The following ARHGEF28 variants were observed in gnomAD, a reference collection of about 807,000 sequenced individuals.
ARHGEF28 encodes the protein Rho guanine nucleotide exchange factor 28.
In ARHGEF28, 152 loss-of-function variants were observed where a neutral mutation model predicts 206.6. The ratio of observed to expected loss-of-function variants is 0.74; its 90% CI spans 0.64 to 0.84. ARHGEF28 has a LOEUF of 0.84. Ranked by LOEUF, ARHGEF28 falls within the 40% of genes least tolerant of loss-of-function variation. The pLI is 0.00. For synonymous variants in ARHGEF28, 763 were observed against 776.4 expected, an observed-to-expected ratio of 0.98 and a Z score of 0.29; for missense variants, 2,028 against 2,073.2, an observed-to-expected ratio of 0.98 and a Z score of 0.42.
chr5:73,736,756 A>T (rs1413771141), intron 2 of ARHGEF28, among the ~76,000 whole-genome samples: 2 of 151,970 alleles, frequency 1.3e-5, no homozygotes, highest in Non-Finnish European at 2.9e-5. Flanking sequence ...TAGGAGTTTG[A>T]TAACAGTAAA....
intron 6 of ARHGEF28, among the ~76,000 whole-genome samples, chr5:73,779,650 C>A (rs1361426253): frequency 2.0e-5 from 3 of 152,110 alleles, no homozygotes; most frequent in African/African-American, 7.2e-5. Flanking sequence ...ACCCCTCCTC[C>A]ATCCTTGGGT....
At chr5:73,909,153 C>G (rs1185374814) in intron 33 of ARHGEF28, 4 of 358,828 alleles carry the variant, frequency 1.1e-5, no homozygotes, top group Non-Finnish European at 2.0e-5. Context: ...TACCTTCCCA[C>G]AGGAGAGGAT....
rs374767254 is a variant in ARHGEF28, at chr5:73,649,717, AT to A, written c.-12+23396del. Among the ~76,000 whole-genome samples the A allele has an allele frequency of 2.4e-3, 365 of 152,366 alleles. 2 individuals are homozygous for A. The highest frequency in any genetic ancestry group is 8.1e-3 in the African/African-American group (337 of 41,584). ...TACCAGTGGGAAAAGAGTCTAAAAAATATCAGAAGGGAGTGTGTGCTTGCTT... is the reference window on the plus strand; with the variant it reads ...TACCAGTGGGAAAAGAGTCTAAAAAAATCAGAAGGGAGTGTGTGCTTGCTT... On this transcript the variant is annotated intron_variant, in intron 1 of 35. Coordinates refer to ENST00000513042, the MANE Select transcript of ARHGEF28 (RefSeq NM_001177693.2).
chr5:73,890,814 CACAG>C (rs1761580690), intron 26 of ARHGEF28, among the ~76,000 whole-genome samples: 1 of 152,202 alleles, frequency 6.6e-6, no homozygotes. Flanking sequence ...TGGTGGAAGC[CACAG>C]ACCAAAGAAG....
intron 29 of ARHGEF28, 42 bp downstream of exon 29, chr5:73,894,617 A>G (rs189286415): frequency 1.9e-6 from 3 of 1,594,728 alleles, no homozygotes; most frequent in Middle Eastern, 1.7e-4. Flanking sequence ...ACGTTCAGAA[A>G]ATGTTTATTG....
At chr5:73,720,051 G>A (rs1248796642) in intron 2 of ARHGEF28, among the ~76,000 whole-genome samples, 1 of 152,218 alleles carries the variant, frequency 6.6e-6, no homozygotes, top group Non-Finnish European at 1.5e-5. Context: ...CCGCAGAGGC[G>A]AATAGTAAAA....
intron 5 of ARHGEF28, among the ~76,000 whole-genome samples, chr5:73,774,811 G>A (rs538257636): frequency 6.6e-6 from 1 of 152,258 alleles, no homozygotes; most frequent in East Asian, 1.9e-4. Flanking sequence ...AAATGGGAAA[G>A]TATGTTGAAA....
rs544392540 is a variant in ARHGEF28, at chr5:73,736,276, T to C, written c.34-13561T>C. 2.6e-5 allele frequency among the ~76,000 whole-genome samples: 4 copies of C among 152,244 alleles called. No individual in the cohort carries two copies. In the East Asian group the frequency reaches 7.7e-4, roughly 29 times the overall value. On this transcript the variant is annotated intron_variant, in intron 2 of 35. Coordinates refer to ENST00000513042, the MANE Select transcript of ARHGEF28 (RefSeq NM_001177693.2). Reference sequence around the variant, plus strand: ...AATCAATGCACCGGGCTGTCTCTTGTTTTCGGCAGAGGCTTTGCTGTGGGG... The same window carrying C: ...AATCAATGCACCGGGCTGTCTCTTGCTTTCGGCAGAGGCTTTGCTGTGGGG...
At chr5:73,787,063 T>C (rs1024845813) in intron 7 of ARHGEF28, among the ~76,000 whole-genome samples, 1 of 152,174 alleles carries the variant, frequency 6.6e-6, no homozygotes, top group Non-Finnish European at 1.5e-5. Context: ...CCACACAAAG[T>C]GTTGTTTCCA....
rs1303364947 is a variant in ARHGEF28, at chr5:73,909,445, A to G, written c.4195A>G (p.Ile1399Val). The G allele has an allele frequency of 4.3e-6, 7 of 1,611,894 alleles. No homozygotes were observed. The highest frequency in any genetic ancestry group is 5.9e-6 in the Non-Finnish European group (7 of 1,178,946). ...GACCATTCAGGACAGCCACATTGAG[A>G]TCCACAGGCTGGTTCTCCAGCAGCA... ...ALTIQDSHIE[I>V]HRLVLQQQEG... Residue 1399 changes from isoleucine to valine, a missense_variant, in exon 34 of 36, where the codon ATC becomes GTC. This residue lies in a region of ARHGEF28 where 803 missense variants were observed against 768.0 expected (regional missense o/e 1.05). Coordinates refer to ENST00000513042, the MANE Select transcript of ARHGEF28 (RefSeq NM_001177693.2).
rs764885911 is a variant in ARHGEF28 at position 73,858,130 on chromosome 5, A to C, written c.1958A>C (p.His653Pro). The C allele has an allele frequency of 5.6e-6, 9 of 1,612,386 alleles. No homozygotes were observed. Among genetic ancestry groups the C allele is most frequent in the Non-Finnish European group, 7.6e-6 (9 of 1,179,424 alleles). Residue 653 changes from histidine to proline, a missense_variant, in exon 16 of 36, where the codon CAT (histidine) becomes CCT (proline). His to Pro is a moderately conservative substitution (Grantham distance 77, BLOSUM62 -2). This residue lies in a region of ARHGEF28 where 1,002 missense variants were observed against 1,015.3 expected (regional missense o/e 0.99). Transcript: ENST00000513042. ...DAKDKEKLNR[H>P]QFAPGTFSGV... Reference sequence around the variant, plus strand: ...AAAGATAAAGAGAAGCTGAATCGACATCAGTTTGCCCCAGGAACATTCTCT... The same window carrying C: ...AAAGATAAAGAGAAGCTGAATCGACCTCAGTTTGCCCCAGGAACATTCTCT...
chr5:73,684,655 G>A (rs2112248564), intron 1 of ARHGEF28, among the ~76,000 whole-genome samples, 186 bp from the exon 2 acceptor site: 1 of 152,276 alleles, frequency 6.6e-6, no homozygotes. Flanking sequence ...ATCATATTGT[G>A]TTCTAGGGGA....
At chr5:73,809,386 C>T (rs990908584) in intron 9 of ARHGEF28, among the ~76,000 whole-genome samples, 3 of 152,184 alleles carry the variant, frequency 2.0e-5, no homozygotes, top group Middle Eastern at 3.4e-3. Flanking sequence ...GATATGATTC[C>T]ATTCGCTATG....
In ARHGEF28 at chr5:73,909,884, C is replaced by G. The variant is rs770141579; in HGVS notation, c.4634C>G (p.Pro1545Arg). Reference sequence around the variant, plus strand: ...AGGAGCCTGCCCGCGGTGCTCCTTCCGGGTGGCCCCGAGGTATGGACCTTC... The same window carrying G: ...AGGAGCCTGCCCGCGGTGCTCCTTCGGGGTGGCCCCGAGGTATGGACCTTC... ...RQRSLPAVLLPGGPEVMELNR... is the reference protein window; with the variant it reads ...RQRSLPAVLLRGGPEVMELNR... Residue 1545 changes from proline (P) to arginine (R), a missense_variant, in exon 34 of 36, where the codon CCG becomes CGG. This residue lies in a region of ARHGEF28 where 803 missense variants were observed against 768.0 expected (regional missense o/e 1.05). Coordinates refer to ENST00000513042, the MANE Select transcript of ARHGEF28 (RefSeq NM_001177693.2). The G allele has an allele frequency of 1.3e-6, 2 of 1,511,726 alleles. No individual in the cohort carries two copies. The highest frequency in any genetic ancestry group is 2.2e-5 in the Admixed American group (1 of 45,284). 93.6% of individuals were successfully genotyped at this position (1,511,726 alleles called of 1,614,324 possible). A position where few individuals can be genotyped will look rare whatever the true frequency, so the allele number is the denominator to read the frequency against.
chr5:73,649,218 T>A (rs2112159976), intron 1 of ARHGEF28, among the ~76,000 whole-genome samples: 1 of 152,322 alleles, frequency 6.6e-6, no homozygotes, highest in South Asian at 2.1e-4. Context: ...CATTAGATGG[T>A]CCTGCCTCCT....
intron 9 of ARHGEF28, among the ~76,000 whole-genome samples, chr5:73,826,625 C>T (rs1031247388): frequency 1.3e-5 from 2 of 152,160 alleles, no homozygotes; most frequent in Non-Finnish European, 2.9e-5. Flanking sequence ...TGTTGGAAAT[C>T]AGTTGAAGAA....
At chr5:73,688,454 A>G (rs1354233483) in intron 2 of ARHGEF28, among the ~76,000 whole-genome samples, 1 of 152,200 alleles carries the variant, frequency 6.6e-6, no homozygotes, top group Non-Finnish European at 1.5e-5. Context: ...AAGATGATAG[A>G]CATCTTTATA....
chr5:73,659,931 A>G (rs2112187203), intron 1 of ARHGEF28, among the ~76,000 whole-genome samples: 1 of 152,034 alleles, frequency 6.6e-6, no homozygotes, highest in South Asian at 2.1e-4. Context: ...TCTTGCCTTG[A>G]TGTTGATGGC....
chr5:73,691,346 C>T lies in ARHGEF28; in HGVS notation c.33+6462C>T, dbSNP rs898017530. ...TCATGATATTTCATAAGGAATTATA[C>T]GGGAATGCTGTTTTTATTATAATGG... On this transcript the variant is annotated intron_variant, in intron 2 of 35. Coordinates refer to ENST00000513042, the MANE Select transcript of ARHGEF28 (RefSeq NM_001177693.2). Among the ~76,000 whole-genome samples the T allele has an allele frequency of 3.9e-5, 6 of 152,044 alleles. No individual in the cohort carries two copies. In the South Asian group the frequency reaches 8.3e-4, roughly 21 times the overall value.
Sources: allele counts gnomAD v4.1 joint callset (sites outside exome capture counted in the v4.1 genomes callset), GRCh38; gene constraint gnomAD v4.1.1; regional missense constraint gnomAD v4.1.1; transcripts MANE v1.5; gene names NCBI Gene and HGNC (gene_info 2026-07-23, HGNC 2026-07-21).